The following ZBTB8A variants were observed in gnomAD, a reference collection of about 807,000 sequenced individuals.
The protein encoded by ZBTB8A is zinc finger and BTB domain containing 8A, also known as zinc finger and BTB domain-containing protein 8A.
ZBTB8A carries 19 observed loss-of-function variants against 37.8 expected under a neutral mutation model. The ratio of observed to expected loss-of-function variants is 0.50; its 90% CI spans 0.35 to 0.74. The LOEUF (loss-of-function observed/expected upper bound fraction) is 0.74. Ranked by LOEUF, ZBTB8A falls within the 30% of genes least tolerant of loss-of-function variation. ZBTB8A has a pLI of 0.01. For synonymous variants in ZBTB8A, 181 were observed against 185.2 expected (o/e 0.98, Z 0.19); for missense variants, 394 against 537.8 (o/e 0.73, Z 2.65).
intron 1 of ZBTB8A, among the ~76,000 whole-genome samples, chr1:32,547,828 C>CAAAAAAAAA (rs1194254576): frequency 6.9e-3 from 210 of 30,218 alleles, no homozygotes; most frequent in Middle Eastern, 0.031. Context: ...ACAAACAAAG[C>CAAAAAAAAA]AAAAAAAAAA....
In ZBTB8A at chr1:32,600,384, G is replaced by A; in HGVS notation, c.1291G>A (p.Glu431Lys). 1 of 1,612,730 alleles carries A rather than the reference G, an allele frequency of 6.2e-7. No individual in the cohort carries two copies. The highest frequency in any genetic ancestry group is 8.5e-7 in the Non-Finnish European group (1 of 1,179,388). ...CCAACAGGTTGATGATAGTGAAGAA[G>A]AAGAAGAAAAAGAAATTAAGCCCAA... ...VIQQVDDSEE[E>K]EEKEIKPNIR The change falls in exon 5 of 5, where the codon GAA becomes AAA. Residue 431 changes from glutamate (E) to lysine (K), a missense_variant. By Grantham distance (56) the Glu-to-Lys change is moderately conservative (BLOSUM62 1). Transcript: ENST00000373510.
chr1:32,603,296 A>T lies in ZBTB8A; in HGVS notation c.*2877A>T, dbSNP rs989983576. The T allele has an allele frequency of 1.3e-5, 2 of 152,040 alleles. No individual in the cohort carries two copies. The highest frequency in any genetic ancestry group is 4.8e-5 in the African/African-American group (2 of 41,370). 9.4% of individuals were successfully genotyped at this position (152,040 alleles called of 1,614,324 possible). ...AGGCATGTGCCACCATGCCTGGCTA[A>T]TTTTTGTATTTTTAGTAGAGACAGG... On this transcript the variant is annotated 3_prime_UTR_variant, in exon 5 of 5. Coordinates refer to ENST00000373510, the MANE Select transcript of ZBTB8A (RefSeq NM_001040441.3).
Position 32,552,823 on chromosome 1 carries a change from TAA to T in ZBTB8A, c.-83-632_-83-631del, listed in dbSNP as rs959900335. Among the ~76,000 whole-genome samples the T allele has an allele frequency of 1.5e-3, 231 of 150,188 alleles. 1 individual carries two copies. The highest frequency in any genetic ancestry group is 4.8e-3 in the African/African-American group (198 of 41,214). The stretch of plus-strand genomic sequence containing the variant: ...TGTATATAAAATGTATATATGTCTT[TAA>T]AAAGAGTTCCAAGCCAATTTGAAGC... On this transcript the variant is annotated intron_variant, in intron 1 of 4. Coordinates refer to ENST00000373510, the MANE Select transcript of ZBTB8A (RefSeq NM_001040441.3).
intron 4 of ZBTB8A, among the ~76,000 whole-genome samples, chr1:32,595,665 T>C (rs1231437841): frequency 6.6e-6 from 1 of 151,106 alleles, no homozygotes; most frequent in Non-Finnish European, 1.5e-5. Context: ...TGTTTTTTTT[T>C]TTGAGACAGG....
intron 1 of ZBTB8A, among the ~76,000 whole-genome samples, chr1:32,550,713 C>T (rs1350619518): frequency 6.6e-6 from 1 of 152,068 alleles, no homozygotes; most frequent in East Asian, 1.9e-4. Context: ...AATCCCAGCA[C>T]TTTGGGAGGC....
intron 2 of ZBTB8A, among the ~76,000 whole-genome samples, chr1:32,580,960 G>A (rs1366601722): frequency 6.7e-6 from 1 of 150,156 alleles, no homozygotes; most frequent in Non-Finnish European, 1.5e-5. Context: ...ATTAATCCAT[G>A]CATGAATGAG....
rs1030629413 is a variant in ZBTB8A, at chr1:32,604,057, C to A, written c.*3638C>A. Reference sequence around the variant, plus strand: ...TCTGTTTAAATAAGCTTTATTTATGCCAAGGATTTTTTTTTTAATATCAAG... The same window carrying A: ...TCTGTTTAAATAAGCTTTATTTATGACAAGGATTTTTTTTTTAATATCAAG... On this transcript the variant is annotated 3_prime_UTR_variant, in exon 5 of 5. Transcript: ENST00000373510. The A allele has an allele frequency of 1.3e-5, 2 of 151,690 alleles. No individual in the cohort carries two copies. The highest frequency in any genetic ancestry group is 2.9e-5 in the Non-Finnish European group (2 of 67,988). 9.4% of individuals were successfully genotyped at this position (151,690 alleles called of 1,614,324 possible).
rs886381448 is a variant in ZBTB8A at position 32,605,187 on chromosome 1, G to C, written c.*4768G>C. 1 of 150,366 alleles carries C rather than the reference G, an allele frequency of 6.7e-6. No individual in the cohort carries two copies. Among genetic ancestry groups the C allele is most frequent in the Admixed American group, 6.6e-5 (1 of 15,086 alleles). 9.3% of individuals were successfully genotyped at this position (150,366 alleles called of 1,614,324 possible). On this transcript the variant is annotated 3_prime_UTR_variant, in exon 5 of 5. Transcript: ENST00000373510. ...AAAAAAAAAAGATGTGTTTAACTGG[G>C]AAGGGTGATAATAATAGAATAATAG...
chr1:32,575,035 A>AG (rs1644349551), intron 2 of ZBTB8A, among the ~76,000 whole-genome samples: 1 of 152,038 alleles, frequency 6.6e-6, no homozygotes, highest in Non-Finnish European at 1.5e-5. Context: ...TTGGCCTCTC[A>AG]AAGTGCTGGG....
At chr1:32,591,522 G>A (rs1248268089) in intron 2 of ZBTB8A, among the ~76,000 whole-genome samples, 2 of 151,760 alleles carry the variant, frequency 1.3e-5, no homozygotes, top group East Asian at 3.9e-4. Context: ...CTGGGCTGGA[G>A]TCTTTGTTTA....
intron 2 of ZBTB8A, among the ~76,000 whole-genome samples, chr1:32,573,962 G>C (rs1644342256): frequency 6.6e-6 from 1 of 151,718 alleles, no homozygotes; most frequent in South Asian, 2.1e-4. Context: ...TGTAATCCCA[G>C]CTATTCGGGA....
At chr1:32,540,983 TC>T (rs1338522096) in intron 1 of ZBTB8A, among the ~76,000 whole-genome samples, 10 of 152,362 alleles carry the variant, frequency 6.6e-5, no homozygotes, top group African/African-American at 1.9e-4. Flanking sequence ...AGCCCTGAAA[TC>T]ACCAGCTTCG....
At chr1:32,547,457 G>C (rs954081565) in intron 1 of ZBTB8A, among the ~76,000 whole-genome samples, 3 of 150,104 alleles carry the variant, frequency 2.0e-5, no homozygotes, top group African/African-American at 4.9e-5. Flanking sequence ...GGGCTCAAGG[G>C]ATCTTCCCTC....
intron 2 of ZBTB8A, among the ~76,000 whole-genome samples, chr1:32,561,938 T>C (rs1644246547): frequency 6.6e-6 from 1 of 151,888 alleles, no homozygotes; most frequent in Non-Finnish European, 1.5e-5. Context: ...AGGTGGTACA[T>C]ACTTTTTTAT....
Position 32,573,446 on chromosome 1 carries a change from T to A in ZBTB8A, c.-1-19485T>A, listed in dbSNP as rs555000401. ...ACTTTCTTCTTCTTTTTTTTTTTTT[T>A]AATTGAGAAAGGTCTCACTCCCATC... On this transcript the variant is annotated intron_variant, in intron 2 of 4. Transcript: ENST00000373510. 3.5e-3 allele frequency among the ~76,000 whole-genome samples: 531 copies of A among 150,350 alleles called. 5 individuals are homozygous for A. The East Asian group carries it at 0.042, about 12-fold the overall frequency.
intron 2 of ZBTB8A, among the ~76,000 whole-genome samples, chr1:32,557,536 C>T (rs1003832339): frequency 9.9e-5 from 15 of 152,168 alleles, no homozygotes; most frequent in Admixed American, 9.8e-4. Flanking sequence ...AATCCGAACT[C>T]GCTGCAGCCT....
rs61173797 is a variant in ZBTB8A, at chr1:32,581,141, T to G, written c.-1-11790T>G. Among the ~76,000 whole-genome samples, 28 of 103,146 alleles carry G rather than the reference T, an allele frequency of 2.7e-4. No individual in the cohort carries two copies. In the East Asian group the frequency reaches 6.6e-3, roughly 24 times the overall value. 67.7% of individuals were successfully genotyped at this position (103,146 alleles called of 152,430 possible). ...AATATATATAACTATATTATATATA[T>G]TTATATATATTAAATATATTATAAC... is the stretch of plus-strand genomic sequence containing the variant. On this transcript the variant is annotated intron_variant, in intron 2 of 4. Coordinates refer to ENST00000373510, the MANE Select transcript of ZBTB8A (RefSeq NM_001040441.3).
chr1:32,541,575 G>T (rs1167167094), intron 1 of ZBTB8A, among the ~76,000 whole-genome samples: 2 of 152,174 alleles, frequency 1.3e-5, no homozygotes, highest in Non-Finnish European at 2.9e-5. Flanking sequence ...TTGGGACTGG[G>T]TAATTATAAA....
chr1:32,575,981 C>T (rs148484165), intron 2 of ZBTB8A, among the ~76,000 whole-genome samples: 1 of 152,174 alleles, frequency 6.6e-6, no homozygotes, highest in Non-Finnish European at 1.5e-5. Flanking sequence ...ATGCATTTTC[C>T]CTCATCACAA....
Sources: gnomAD v4.1 joint callset for allele counts (sites outside exome capture counted in the v4.1 genomes callset) on GRCh38, gnomAD v4.1.1 for gene constraint, MANE v1.5 for transcripts, NCBI Gene and HGNC (gene_info 2026-07-23, HGNC 2026-07-21) for gene names.